ZNF562: variants seen among roughly 807,000 people sequenced by gnomAD.
ZNF562 encodes zinc finger protein 562.
In ZNF562, 13 loss-of-function variants were observed where a neutral mutation model predicts 17.5. That is an observed-to-expected ratio of 0.74 (90% confidence interval 0.48 to 1.18). The LOEUF (loss-of-function observed/expected upper bound fraction) is 1.18. Among genes scored for constraint, ZNF562 ranks in the 50% most tolerant of loss-of-function variants. The pLI, the probability that ZNF562 is intolerant of heterozygous loss-of-function variation, is 0.00. For synonymous variants in ZNF562, 163 were observed against 165.4 expected (o/e 0.99, Z 0.11); for missense variants, 481 against 498.5 (o/e 0.96, Z 0.33).
intron 1 of ZNF562, among the ~76,000 whole-genome samples, chr19:9,673,132 T>C (rs117516425): frequency 0.015 from 2,319 of 152,214 alleles, 43 homozygotes; most frequent in Admixed American, 0.027. Context: ...CATCCCACCA[T>C]CATGACTCAC....
intron 1 of ZNF562, among the ~76,000 whole-genome samples, chr19:9,674,479 C>G (rs1009045527): frequency 1.3e-5 from 2 of 150,914 alleles, no homozygotes; most frequent in African/African-American, 4.9e-5. Flanking sequence ...CGTGCCACTG[C>G]ACTCCAGCGT....
rs1442788674 is a variant in ZNF562 at position 9,650,172 on chromosome 19, G to A, written c.*2777C>T. ...AAGTATGCTGGTATTACTACTTTTA[G>A]TTGGTGTTGTGCAGCGGGTTAAAAT... On this transcript the variant is annotated 3_prime_UTR_variant, in exon 6 of 6. Coordinates refer to ENST00000453372, the MANE Select transcript of ZNF562 (RefSeq NM_001130031.2). 6.6e-6 allele frequency: 1 copy of A among 152,106 alleles called. No homozygotes were observed. The highest frequency in any genetic ancestry group is 1.5e-5 in the Non-Finnish European group (1 of 68,028). 9.4% of individuals were successfully genotyped at this position (152,106 alleles called of 1,614,324 possible). A position where few individuals can be genotyped will look rare whatever the true frequency, so the allele number is the denominator to read the frequency against.
chr19:9,665,298 T>G (rs1450655110), intron 1 of ZNF562, among the ~76,000 whole-genome samples: 1 of 151,742 alleles, frequency 6.6e-6, no homozygotes, highest in Non-Finnish European at 1.5e-5. Flanking sequence ...AGAATCAAAT[T>G]TCCATATCCA....
At chr19:9,674,416 C>A (rs1271178018) in intron 1 of ZNF562, among the ~76,000 whole-genome samples, 4 of 151,580 alleles carry the variant, frequency 2.6e-5, no homozygotes, top group African/African-American at 9.7e-5. Context: ...ATTTAAAACT[C>A]ATATCTAACA....
At position 9,643,806 on chromosome 19, in the gene ZNF562, T is replaced by TTA. The variant is rs1326648697; in HGVS notation, c.*9141_*9142dup. ...AAGCCACTTTGCCCAGTTGCTACTA[T>TTA]TATACTTAGCGCATTTTTTTGTTTG... is the stretch of plus-strand genomic sequence containing the variant. On this transcript the variant is annotated 3_prime_UTR_variant, in exon 6 of 6. Coordinates refer to ENST00000453372, the MANE Select transcript of ZNF562 (RefSeq NM_001130031.2). 6.6e-6 allele frequency: 1 copy of TTA among 152,164 alleles called. No homozygotes were observed. Among genetic ancestry groups the TTA allele is most frequent in the Non-Finnish European group, 1.5e-5 (1 of 68,072 alleles). The allele number at this position is 152,164 out of a possible 1,614,324, so 9.4% of individuals were successfully genotyped here.
In ZNF562 at chr19:9,662,208, A is replaced by G. The variant is rs551879238; in HGVS notation, c.-130-1334T>C. ...AGCCCAGACTTGCACAGAACAACTC[A>G]GTAGTCACTAGCCACGTGTGTTATT... is the stretch of plus-strand genomic sequence containing the variant. On this transcript the variant is annotated intron_variant, in intron 1 of 5. Transcript: ENST00000453372. Among the ~76,000 whole-genome samples, 51 of 152,296 alleles carry G rather than the reference A, an allele frequency of 3.3e-4. 1 individual carries two copies. The South Asian group carries it at 0.011, about 32-fold the overall frequency.
At position 9,650,889 on chromosome 19, in the gene ZNF562, G is replaced by A. The variant is rs1394744547; in HGVS notation, c.*2060C>T. Reference sequence around the variant, plus strand: ...GAATCACTGGAACTCAGGAGGTGGAGGTTGCGGTGAGCCAAGATCATACCA... The same window carrying A: ...GAATCACTGGAACTCAGGAGGTGGAAGTTGCGGTGAGCCAAGATCATACCA... On this transcript the variant is annotated 3_prime_UTR_variant, in exon 6 of 6. Coordinates refer to ENST00000453372, the MANE Select transcript of ZNF562 (RefSeq NM_001130031.2). 2 of 146,316 alleles carry A rather than the reference G, an allele frequency of 1.4e-5. No homozygotes were observed. The highest frequency in any genetic ancestry group is 3.0e-5 in the Non-Finnish European group (2 of 67,568). The allele number at this position is 146,316 out of a possible 1,614,324, so 9.1% of individuals were successfully genotyped here.
In ZNF562 at chr19:9,643,937, C is replaced by G. The variant is rs1385239364; in HGVS notation, c.*9012G>C. The G allele has an allele frequency of 6.6e-6, 1 of 152,010 alleles. No homozygotes were observed. Among genetic ancestry groups the G allele is most frequent in the Non-Finnish European group, 1.5e-5 (1 of 68,014 alleles). 9.4% of individuals were successfully genotyped at this position (152,010 alleles called of 1,614,324 possible). A position where few individuals can be genotyped will look rare whatever the true frequency, so the allele number is the denominator to read the frequency against. The stretch of plus-strand genomic sequence containing the variant: ...TCAGCCTCCCGAGTAGCTAGGAATA[C>G]ATGCACATGCCACCACGCCCAGCTA... On this transcript the variant is annotated 3_prime_UTR_variant, in exon 6 of 6. Transcript: ENST00000453372.
At chr19:9,672,722 G>C (rs2044241027) in intron 1 of ZNF562, among the ~76,000 whole-genome samples, 1 of 151,552 alleles carries the variant, frequency 6.6e-6, no homozygotes, top group Non-Finnish European at 1.5e-5. Flanking sequence ...GCACTGTGGG[G>C]AAGTACAGAC....
chr19:9,658,187 T>C (rs1364914346), intron 3 of ZNF562, 52 bp from the exon 4 acceptor site: 118 of 1,576,266 alleles, frequency 7.5e-5, no homozygotes, highest in Non-Finnish European at 9.7e-5. Flanking sequence ...TCCACCAATA[T>C]TCACTGGAGA....
rs983962979 is a variant in ZNF562 at position 9,646,315 on chromosome 19, C to T, written c.*6634G>A. The T allele has an allele frequency of 6.6e-6, 1 of 152,170 alleles. No homozygotes were observed. Among genetic ancestry groups the T allele is most frequent in the East Asian group, 1.9e-4 (1 of 5,194 alleles). The allele number at this position is 152,170 out of a possible 1,614,324, so 9.4% of individuals were successfully genotyped here. A position where few individuals can be genotyped will look rare whatever the true frequency, so the allele number is the denominator to read the frequency against. ...CGAACTCCCGACCTCAGGTGATCAC[C>T]TGCCTTGGCCTCCCAAAGTGCTGTG... is the stretch of plus-strand genomic sequence containing the variant. On this transcript the variant is annotated 3_prime_UTR_variant, in exon 6 of 6. Transcript: ENST00000453372.
At chr19:9,662,779 C>G (rs1021387205) in intron 1 of ZNF562, among the ~76,000 whole-genome samples, 1 of 151,944 alleles carries the variant, frequency 6.6e-6, no homozygotes, top group African/African-American at 2.4e-5. Flanking sequence ...ACTTGGGAGG[C>G]TGAGGCAGGA....
chr19:9,654,698 A>T (rs763297586), intron 5 of ZNF562, among the ~76,000 whole-genome samples: 1 of 152,084 alleles, frequency 6.6e-6, no homozygotes, highest in Middle Eastern at 3.4e-3. Flanking sequence ...CCGCCTGCCT[A>T]GGCCTCCGAA....
intron 1 of ZNF562, among the ~76,000 whole-genome samples, chr19:9,668,001 G>C (rs112621167): frequency 0.027 from 4,101 of 152,180 alleles, 190 homozygotes; most frequent in African/African-American, 0.093. Context: ...ACAAAAATCA[G>C]TTGCATTTAT....
chr19:9,658,159 T>C, intron 3 of ZNF562, 24 bp from the exon 4 acceptor site: 3 of 1,605,344 alleles, frequency 1.9e-6, no homozygotes, highest in Non-Finnish European at 2.6e-6. Context: ...CACATGCTGG[T>C]TTGAGCCAAT....
chr19:9,648,234 G>A lies in ZNF562; in HGVS notation c.*4715C>T, dbSNP rs911301436. ...TTAAGTGATCCATTATGTCACAGTC[G>A]AGCTTATCCAGGAATACAAGGTTGA... On this transcript the variant is annotated 3_prime_UTR_variant, in exon 6 of 6. Transcript: ENST00000453372. 1.3e-5 allele frequency: 2 copies of A among 152,116 alleles called. No individual in the cohort carries two copies. The highest frequency in any genetic ancestry group is 2.9e-5 in the Non-Finnish European group (2 of 68,022). 9.4% of individuals were successfully genotyped at this position (152,116 alleles called of 1,614,324 possible).
chr19:9,660,483 G>A (rs1723935141), intron 2 of ZNF562, among the ~76,000 whole-genome samples: 1 of 151,830 alleles, frequency 6.6e-6, no homozygotes, highest in Non-Finnish European at 1.5e-5. Flanking sequence ...AAATTAGCCT[G>A]TGGTCCCAGT....
rs570574053 is a variant in ZNF562 at position 9,643,944 on chromosome 19, A to T, written c.*9005T>A. On this transcript the variant is annotated 3_prime_UTR_variant, in exon 6 of 6. Transcript: ENST00000453372. ...CCCGAGTAGCTAGGAATACATGCAC[A>T]TGCCACCACGCCCAGCTATATTTTT... is the stretch of plus-strand genomic sequence containing the variant. The T allele has an allele frequency of 3.9e-5, 6 of 151,912 alleles. No individual in the cohort carries two copies. In the East Asian group the frequency reaches 9.7e-4, roughly 24 times the overall value. The allele number at this position is 151,912 out of a possible 1,614,324, so 9.4% of individuals were successfully genotyped here. A position where few individuals can be genotyped will look rare whatever the true frequency, so the allele number is the denominator to read the frequency against.
chr19:9,657,875 G>A, intron 4 of ZNF562, 134 bp downstream of exon 4: 4 of 1,218,168 alleles, frequency 3.3e-6, no homozygotes, highest in Non-Finnish European at 3.3e-6. Flanking sequence ...TTTTTTTTTA[G>A]AGATGAGGTT....
Sources: gnomAD v4.1 joint callset for allele counts (sites outside exome capture counted in the v4.1 genomes callset) on GRCh38, gnomAD v4.1.1 for gene constraint, MANE v1.5 for transcripts, NCBI Gene and HGNC (gene_info 2026-07-23, HGNC 2026-07-21) for gene names.